The following PDGFD variants were observed in gnomAD, a reference collection of about 807,000 sequenced individuals.
PDGFD encodes platelet derived growth factor D, also known as platelet-derived growth factor D.
PDGFD carries 30 observed loss-of-function variants against 44.7 expected under a neutral mutation model. The ratio of observed to expected loss-of-function variants is 0.67; its 90% CI spans 0.50 to 0.91. PDGFD has a LOEUF of 0.91. Ranked by LOEUF, PDGFD falls within the 40% of genes least tolerant of loss-of-function variation. The probability of loss-of-function intolerance (pLI) is 0.00; values close to 1 mark genes in which losing one functional copy is unlikely to be tolerated. For missense variants in PDGFD, 445 were observed against 457.8 expected (o/e 0.97, Z 0.25); for synonymous variants, 173 against 168.4 (o/e 1.03, Z -0.21).
At chr11:104,119,633 TATATA>T (rs1437979838) in intron 1 of PDGFD, among the ~76,000 whole-genome samples, 2 of 54,600 alleles carry the variant, frequency 3.7e-5, no homozygotes, top group Non-Finnish European at 6.5e-5. Context: ...ATTATATTAA[TATATA>T]ATATATTAAT....
chr11:104,094,200 TATCAGCAC>T (rs1423250816), intron 1 of PDGFD, among the ~76,000 whole-genome samples: 1 of 152,026 alleles, frequency 6.6e-6, no homozygotes, highest in East Asian at 1.9e-4. Context: ...GTGGCCATCG[TATCAGCAC>T]ATCTTCTTGA....
chr11:104,074,042 T>C (rs1468151921), intron 1 of PDGFD, among the ~76,000 whole-genome samples: 1 of 152,208 alleles, frequency 6.6e-6, no homozygotes, highest in Non-Finnish European at 1.5e-5. Context: ...AATGGCAAAC[T>C]TGATATAGCA....
chr11:104,093,625 CCCCTCACT>C (rs932295355), intron 1 of PDGFD, among the ~76,000 whole-genome samples: 16 of 151,864 alleles, frequency 1.1e-4, no homozygotes, highest in African/African-American at 2.7e-4. Context: ...CTTTTCAAAC[CCCCTCACT>C]CCCTCACTCC....
At chr11:104,148,941 T>C (rs1193477219) in intron 1 of PDGFD, among the ~76,000 whole-genome samples, 3 of 152,214 alleles carry the variant, frequency 2.0e-5, no homozygotes, top group East Asian at 3.8e-4. Context: ...TATGGCTCCA[T>C]AGCATTCCAT....
At chr11:104,149,372 G>A (rs1364167468) in intron 1 of PDGFD, among the ~76,000 whole-genome samples, 2 of 152,110 alleles carry the variant, frequency 1.3e-5, no homozygotes, top group African/African-American at 4.8e-5. Context: ...GACCAAAACA[G>A]TTCTAATATT....
intron 1 of PDGFD, among the ~76,000 whole-genome samples, chr11:104,158,220 A>G (rs572819971): frequency 1.1e-4 from 16 of 152,344 alleles, no homozygotes; most frequent in African/African-American, 3.8e-4. Flanking sequence ...TCTTATGATG[A>G]ACACACATAT....
chr11:104,022,190 C>T (rs1001219538), intron 1 of PDGFD, among the ~76,000 whole-genome samples: 18 of 152,144 alleles, frequency 1.2e-4, no homozygotes, highest in Non-Finnish European at 1.8e-4. Flanking sequence ...ATATTGGGAT[C>T]TACTCTTCAG....
At chr11:103,971,004 G>A (rs1859094936) in intron 3 of PDGFD, among the ~76,000 whole-genome samples, 1 of 152,148 alleles carries the variant, frequency 6.6e-6, no homozygotes, top group Non-Finnish European at 1.5e-5. Flanking sequence ...CTGTGACAGA[G>A]AGTATAATGA....
intron 5 of PDGFD, among the ~76,000 whole-genome samples, chr11:103,939,119 G>T (rs1231889506): frequency 6.6e-6 from 1 of 152,040 alleles, no homozygotes; most frequent in Non-Finnish European, 1.5e-5. Context: ...GATGGGGATG[G>T]CATTGAATCT....
intron 1 of PDGFD, among the ~76,000 whole-genome samples, chr11:104,075,559 T>A (rs1860944574): frequency 6.6e-6 from 1 of 152,036 alleles, no homozygotes; most frequent in Non-Finnish European, 1.5e-5. Context: ...AGTGGCATGA[T>A]CATGGCTCAC....
rs1857992676 is a variant in PDGFD, at chr11:103,909,419, CAT to C, written c.*273_*274del. 1 of 360,568 alleles carries C rather than the reference CAT, an allele frequency of 2.8e-6. No individual in the cohort carries two copies. The highest frequency in any genetic ancestry group is 5.2e-6 in the Non-Finnish European group (1 of 193,308). 22.3% of individuals were successfully genotyped at this position (360,568 alleles called of 1,614,324 possible). A position where few individuals can be genotyped will look rare whatever the true frequency, so the allele number is the denominator to read the frequency against. The stretch of plus-strand genomic sequence containing the variant: ...AAAAAAAACATTTGATCTATATACA[CAT>C]AGACATGAATATATTTCTGTGTGTG... On this transcript the variant is annotated 3_prime_UTR_variant, in exon 7 of 7. Coordinates refer to ENST00000393158, the MANE Select transcript of PDGFD (RefSeq NM_025208.5).
At chr11:103,931,830 C>T (rs2134314326) in intron 5 of PDGFD, among the ~76,000 whole-genome samples, 1 of 152,286 alleles carries the variant, frequency 6.6e-6, no homozygotes, top group South Asian at 2.1e-4. Flanking sequence ...AAGGTCTAGC[C>T]TTTATAATGC....
chr11:104,123,910 C>T (rs1861810079), intron 1 of PDGFD, among the ~76,000 whole-genome samples: 1 of 152,022 alleles, frequency 6.6e-6, no homozygotes, highest in African/African-American at 2.4e-5. Context: ...CCAACTATCT[C>T]AGTACTTCTG....
intron 5 of PDGFD, among the ~76,000 whole-genome samples, chr11:103,932,184 A>AT (rs777488928): frequency 0.028 from 4,277 of 150,144 alleles, 212 homozygotes; most frequent in African/African-American, 0.1. Context: ...GTTCAACATG[A>AT]GTTTTTTTTT....
At chr11:104,049,677 C>T (rs1332746007) in intron 1 of PDGFD, among the ~76,000 whole-genome samples, 1 of 151,932 alleles carries the variant, frequency 6.6e-6, no homozygotes, top group African/African-American at 2.4e-5. Flanking sequence ...AAAGATAAAC[C>T]AATGAGGTGA....
intron 1 of PDGFD, among the ~76,000 whole-genome samples, chr11:104,154,591 A>C (rs1475628286): frequency 3.3e-5 from 5 of 152,224 alleles, no homozygotes; most frequent in African/African-American, 1.2e-4. Flanking sequence ...ACAGTAAAAC[A>C]ACTTTTGCGT....
At chr11:104,085,554 G>A (rs1481368379) in intron 1 of PDGFD, among the ~76,000 whole-genome samples, 1 of 151,978 alleles carries the variant, frequency 6.6e-6, no homozygotes, top group Non-Finnish European at 1.5e-5. Context: ...TTCCACGTTA[G>A]AAATTCAAAC....
chr11:104,149,712 C>A (rs185646451), intron 1 of PDGFD, among the ~76,000 whole-genome samples: 5 of 152,078 alleles, frequency 3.3e-5, no homozygotes, highest in Admixed American at 1.3e-4. Context: ...AATTTCAACC[C>A]GTTTATTCCA....
chr11:103,908,339 A>G lies in PDGFD; in HGVS notation c.*1355T>C, dbSNP rs1476558257. 5 of 152,128 alleles carry G rather than the reference A, an allele frequency of 3.3e-5. No individual in the cohort carries two copies. 9.4% of individuals were successfully genotyped at this position (152,128 alleles called of 1,614,324 possible). A position where few individuals can be genotyped will look rare whatever the true frequency, so the allele number is the denominator to read the frequency against. On this transcript the variant is annotated 3_prime_UTR_variant, in exon 7 of 7. Transcript: ENST00000393158. The stretch of plus-strand genomic sequence containing the variant: ...AAAATTACTCTAAATACCATTAACC[A>G]ATGTAAAACAGTTTTCTATTAAACA...
Sources: gnomAD v4.1 joint callset for allele counts (sites outside exome capture counted in the v4.1 genomes callset) on GRCh38, gnomAD v4.1.1 for gene constraint, MANE v1.5 for transcripts, NCBI Gene and HGNC (gene_info 2026-07-23, HGNC 2026-07-21) for gene names.